PRKN: variants seen among roughly 807,000 people sequenced by gnomAD.
PRKN encodes parkin RBR E3 ubiquitin protein ligase, also known as E3 ubiquitin-protein ligase parkin.
A neutral mutation model predicts 59.5 loss-of-function variants in PRKN; 56 were observed. The ratio of observed to expected loss-of-function variants is 0.94; its 90% CI spans 0.76 to 1.18. The LOEUF (loss-of-function observed/expected upper bound fraction) is 1.18. Among genes scored for constraint, PRKN ranks in the 50% most tolerant of loss-of-function variants. PRKN has a pLI of 0.00. For missense variants in PRKN, 657 were observed against 596.4 expected (o/e 1.10, Z -1.06); for synonymous variants, 250 against 222.1 (o/e 1.13, Z -1.12).
intron 1 of PRKN, among the ~76,000 whole-genome samples, chr6:162,693,556 T>G (rs1014128107): frequency 1.3e-5 from 2 of 152,138 alleles, no homozygotes; most frequent in African/African-American, 4.8e-5. Context: ...CCTCTCTAAA[T>G]GCATTAAAGG....
chr6:161,536,876 C>T lies in PRKN; in HGVS notation c.1083+11978G>A, dbSNP rs536977767. 5.9e-5 allele frequency among the ~76,000 whole-genome samples: 9 copies of T among 152,320 alleles called. No individual in the cohort carries two copies. In the South Asian group the frequency reaches 1.9e-3, roughly 32 times the overall value. On this transcript the variant is annotated intron_variant, in intron 9 of 11. Transcript: ENST00000366898. ...AAAATAGACACAGTGACATAGCCTC[C>T]AAACAGCAATTTTGAGATCGAAAAC... is the stretch of plus-strand genomic sequence containing the variant.
chr6:161,917,184 C>T (rs2128238227), intron 6 of PRKN, among the ~76,000 whole-genome samples: 2 of 151,762 alleles, frequency 1.3e-5, no homozygotes, highest in African/African-American at 4.8e-5. Context: ...CGGCTTACTG[C>T]AACCTGCAGC....
At chr6:162,185,692 A>C (rs1281947193) in intron 4 of PRKN, among the ~76,000 whole-genome samples, 2 of 152,196 alleles carry the variant, frequency 1.3e-5, no homozygotes, top group Middle Eastern at 3.2e-3. Context: ...ATGGAATTTA[A>C]TAGATGGCTG....
At chr6:161,589,705 T>C (rs1781646464) in intron 7 of PRKN, among the ~76,000 whole-genome samples, 1 of 152,102 alleles carries the variant, frequency 6.6e-6, no homozygotes. Context: ...CCATTATCAG[T>C]ATCATCTTTA....
At chr6:162,063,699 C>T (rs993112030) in intron 4 of PRKN, among the ~76,000 whole-genome samples, 3 of 152,076 alleles carry the variant, frequency 2.0e-5, no homozygotes, top group African/African-American at 7.2e-5. Flanking sequence ...CATTTGCCAC[C>T]ACACCCGGCT....
chr6:161,793,284 C>A (rs960095647), intron 6 of PRKN, among the ~76,000 whole-genome samples: 11 of 152,156 alleles, frequency 7.2e-5, no homozygotes, highest in Non-Finnish European at 1.5e-4. Flanking sequence ...TATTAAGGCA[C>A]TGGCAGATCC....
chr6:162,241,758 T>C (rs969217100), intron 3 of PRKN, among the ~76,000 whole-genome samples: 2 of 152,176 alleles, frequency 1.3e-5, no homozygotes, highest in African/African-American at 4.8e-5. Flanking sequence ...ATATACAGGC[T>C]ATTGAATTCT....
intron 5 of PRKN, among the ~76,000 whole-genome samples, chr6:161,984,532 G>A (rs1390419028): frequency 2.6e-5 from 4 of 152,138 alleles, no homozygotes; most frequent in Non-Finnish European, 5.9e-5. Flanking sequence ...GACTACAGGT[G>A]TGAGCCACCC....
At chr6:161,472,792 C>G (rs1205561696) in intron 9 of PRKN, among the ~76,000 whole-genome samples, 1 of 152,114 alleles carries the variant, frequency 6.6e-6, no homozygotes, top group Admixed American at 6.5e-5. Flanking sequence ...TAAATGCCTA[C>G]AACTCAATAG....
chr6:162,474,556 A>G (rs1791911196), intron 1 of PRKN, among the ~76,000 whole-genome samples: 1 of 152,228 alleles, frequency 6.6e-6, no homozygotes, highest in African/African-American at 2.4e-5. Context: ...ATTATTGCCA[A>G]TAAATCCCAT....
At chr6:161,966,053 A>T (rs535545355) in intron 6 of PRKN, among the ~76,000 whole-genome samples, 1 of 152,174 alleles carries the variant, frequency 6.6e-6, no homozygotes, top group Non-Finnish European at 1.5e-5. Flanking sequence ...ATTTTCCCCC[A>T]CAAAGGACAG....
rs186555122 is a variant in PRKN, at chr6:161,383,743, C to T, written c.1167+3051G>A. Among the ~76,000 whole-genome samples the T allele has an allele frequency of 3.9e-5, 6 of 152,292 alleles. 1 individual carries two copies. The highest frequency in any genetic ancestry group is 3.9e-4 in the Admixed American group (6 of 15,308). ...TGAGGCCCTCAGCCCTGTGATGGTT[C>T]CTGTGTCCCCAGCCCGCCTCTGCAG... On this transcript the variant is annotated intron_variant, in intron 10 of 11. Transcript: ENST00000366898.
intron 6 of PRKN, among the ~76,000 whole-genome samples, chr6:161,946,981 C>T (rs1215702007): frequency 1.3e-5 from 2 of 152,104 alleles, no homozygotes; most frequent in Non-Finnish European, 2.9e-5. Context: ...TTCTGTAGAT[C>T]TCATTTTTCT....
chr6:161,641,565 A>C (rs550603006), intron 7 of PRKN, among the ~76,000 whole-genome samples: 1 of 152,290 alleles, frequency 6.6e-6, no homozygotes, highest in Non-Finnish European at 1.5e-5. Context: ...TGACAGAGTA[A>C]TAATAAAACT....
In PRKN at chr6:161,741,560, A is replaced by G. The variant is rs182959569; in HGVS notation, c.871+44212T>C. Among the ~76,000 whole-genome samples, 67 of 152,222 alleles carry G rather than the reference A, an allele frequency of 4.4e-4. 1 individual carries two copies. The highest frequency in any genetic ancestry group is 3.8e-3 in the Admixed American group (58 of 15,290). ...TTCCAGAAAGGCAGTCAGGTTCTTCATCCTTCAGACACGATCCCCACTGAC... is the reference window on the plus strand; with the variant it reads ...TTCCAGAAAGGCAGTCAGGTTCTTCGTCCTTCAGACACGATCCCCACTGAC... On this transcript the variant is annotated intron_variant, in intron 7 of 11. Transcript: ENST00000366898.
chr6:162,007,935 C>A (rs1321129462), intron 5 of PRKN, among the ~76,000 whole-genome samples: 1 of 152,118 alleles, frequency 6.6e-6, no homozygotes, highest in Non-Finnish European at 1.5e-5. Flanking sequence ...TCATATTCAA[C>A]CCAAGTTTGA....
intron 5 of PRKN, among the ~76,000 whole-genome samples, chr6:162,002,029 AT>A (rs1782079047): frequency 6.6e-6 from 1 of 151,844 alleles, no homozygotes; most frequent in Non-Finnish European, 1.5e-5. Context: ...AGTTGGCTGC[AT>A]GTTATAATTT....
intron 6 of PRKN, among the ~76,000 whole-genome samples, chr6:161,814,595 C>T (rs779195391): frequency 1.3e-5 from 2 of 152,106 alleles, no homozygotes; most frequent in Non-Finnish European, 1.5e-5. Flanking sequence ...CTCCGCCTCC[C>T]GGGTTCAAGC....
chr6:162,450,431 T>TGTGAATGTAAACGCCCCTGTGATTGTAA (rs1790570083), intron 1 of PRKN, among the ~76,000 whole-genome samples: 5 of 120,358 alleles, frequency 4.2e-5, no homozygotes, highest in African/African-American at 2.7e-4. Context: ...TGTGATTGTC[T>TGTGAATGTAAACGCCCCTGTGATTGTAA]TCCTCCTGAA....
Sources: gnomAD v4.1 joint callset for allele counts (sites outside exome capture counted in the v4.1 genomes callset) on GRCh38, gnomAD v4.1.1 for gene constraint, MANE v1.5 for transcripts, NCBI Gene and HGNC (gene_info 2026-07-23, HGNC 2026-07-21) for gene names.